RMND5A: variants seen among roughly 807,000 people sequenced by gnomAD.
The protein encoded by RMND5A is required for meiotic nuclear division 5 homolog A, also known as E3 ubiquitin-protein transferase RMND5A.
In RMND5A, 17 loss-of-function variants were observed where a neutral mutation model predicts 49.7. That is an observed-to-expected ratio of 0.34 (90% CI 0.23 to 0.51). The LOEUF is 0.51. RMND5A is among the 20% of genes least tolerant of loss of function. The probability of loss-of-function intolerance (pLI) is 0.96; values close to 1 mark genes in which losing one functional copy is unlikely to be tolerated. For missense variants in RMND5A, 255 were observed against 471.3 expected, an observed-to-expected ratio of 0.54 and a Z score of 4.25; for synonymous variants, 156 against 167.7, an observed-to-expected ratio of 0.93 and a Z score of 0.54.
At position 86,746,499 on chromosome 2, in the gene RMND5A, G is replaced by A. The variant is rs117052142; in HGVS notation, c.286-5397G>A. ...TTTATCTTCACCAAAGACTTGTAAGGTCGAGATTATTGTCTCTAGATACAG... is the reference window on the plus strand; with the variant it reads ...TTTATCTTCACCAAAGACTTGTAAGATCGAGATTATTGTCTCTAGATACAG... On this transcript the variant is annotated intron_variant, in intron 2 of 8. Coordinates refer to ENST00000283632, the MANE Select transcript of RMND5A (RefSeq NM_022780.4). Among the ~76,000 whole-genome samples, 221 of 152,266 alleles carry A rather than the reference G, an allele frequency of 1.5e-3. 6 individuals carry two copies. The South Asian group carries it at 0.045, about 31-fold the overall frequency.
At chr2:86,765,615 A>T (rs1211431450) in intron 5 of RMND5A, 1 of 448,642 alleles carries the variant, frequency 2.2e-6, no homozygotes, top group East Asian at 4.0e-5. Context: ...AATGGTAATT[A>T]TACTATGCTG....
At chr2:86,745,990 A>G (rs1167657604) in intron 2 of RMND5A, among the ~76,000 whole-genome samples, 3 of 152,228 alleles carry the variant, frequency 2.0e-5, no homozygotes, top group Non-Finnish European at 2.9e-5. Context: ...CTCATTATCT[A>G]AACAGATCTT....
At chr2:86,723,932 T>C (rs1267238760) in intron 1 of RMND5A, among the ~76,000 whole-genome samples, 1 of 152,002 alleles carries the variant, frequency 6.6e-6, no homozygotes, top group African/African-American at 2.4e-5. Flanking sequence ...AAAATTTCTC[T>C]CGTTAATCTT....
intron 2 of RMND5A, 67 bp from the exon 3 acceptor site, chr2:86,751,829 A>G: frequency 1.3e-6 from 2 of 1,506,170 alleles, no homozygotes; most frequent in Admixed American, 3.9e-5. Flanking sequence ...AACAAAGACC[A>G]TTTTTTTCCT....
At chr2:86,761,806 G>C (rs1021248055) in intron 4 of RMND5A, among the ~76,000 whole-genome samples, 2 of 152,150 alleles carry the variant, frequency 1.3e-5, no homozygotes, top group African/African-American at 2.4e-5. Flanking sequence ...TTGGCAAGGA[G>C]TGGGGAGGAA....
chr2:86,744,263 A>G (rs1183813253), intron 2 of RMND5A, among the ~76,000 whole-genome samples: 1 of 152,182 alleles, frequency 6.6e-6, no homozygotes, highest in African/African-American at 2.4e-5. Context: ...TGACTTGTTA[A>G]GTCCTCCAGG....
intron 2 of RMND5A, among the ~76,000 whole-genome samples, chr2:86,745,754 A>T (rs547655229): frequency 1.3e-5 from 2 of 152,336 alleles, no homozygotes; most frequent in African/African-American, 4.8e-5. Context: ...CTTTACATAC[A>T]TTTATATCTA....
chr2:86,759,748 C>G (rs943089459), intron 4 of RMND5A, among the ~76,000 whole-genome samples: 2 of 151,256 alleles, frequency 1.3e-5, no homozygotes, highest in Non-Finnish European at 2.9e-5. Context: ...TGCAGTGAGC[C>G]GAGATCACGC....
chr2:86,732,333 A>G (rs1681345672), intron 1 of RMND5A, among the ~76,000 whole-genome samples: 1 of 150,490 alleles, frequency 6.6e-6, no homozygotes, highest in Non-Finnish European at 1.5e-5. Flanking sequence ...TATCATAAAA[A>G]TAAGTGGCAG....
intron 4 of RMND5A, among the ~76,000 whole-genome samples, chr2:86,759,572 A>G (rs1433178644): frequency 6.6e-6 from 1 of 152,014 alleles, no homozygotes; most frequent in Non-Finnish European, 1.5e-5. Context: ...TTTTAAAAAA[A>G]TTATAGAGTT....
At chr2:86,724,934 C>T (rs1293133287) in intron 1 of RMND5A, among the ~76,000 whole-genome samples, 1 of 4,380 alleles carries the variant, frequency 2.3e-4, no homozygotes, top group Admixed American at 1.9e-3. Context: ...ATTAGCACCT[C>T]TGTGGTGGAA....
At chr2:86,762,990 C>G (rs1672529068) in intron 4 of RMND5A, among the ~76,000 whole-genome samples, 1 of 151,940 alleles carries the variant, frequency 6.6e-6, no homozygotes, top group African/African-American at 2.4e-5. Context: ...CAGTGGTGAG[C>G]TGAGACTGCA....
chr2:86,720,816 C>T lies in RMND5A; in HGVS notation c.142+7C>T, dbSNP rs1467055797. On this transcript the variant is annotated splice_region_variant and intron_variant, in intron 1 of 8. Transcript: ENST00000283632. ...GAGATCCTGCAGAGCCACGGTAGGG[C>T]GGCCCGCGTGGGCGCGCGGGGCATG... is the stretch of plus-strand genomic sequence containing the variant. The T allele has an allele frequency of 8.2e-6, 13 of 1,581,170 alleles. No homozygotes were observed. The highest frequency in any genetic ancestry group is 1.1e-5 in the Non-Finnish European group (13 of 1,165,060).
At chr2:86,760,008 C>T (rs1178106163) in intron 4 of RMND5A, among the ~76,000 whole-genome samples, 2 of 152,056 alleles carry the variant, frequency 1.3e-5, no homozygotes, top group Non-Finnish European at 2.9e-5. Flanking sequence ...AAAGTAACCT[C>T]TTACCACTGA....
At chr2:86,756,144 C>A (rs897001162) in intron 4 of RMND5A, among the ~76,000 whole-genome samples, 4 of 152,138 alleles carry the variant, frequency 2.6e-5, no homozygotes, top group African/African-American at 9.7e-5. Context: ...GTAAGCCCAG[C>A]ACTTTGGGAA....
In RMND5A at chr2:86,765,068, G is replaced by C; in HGVS notation, c.563G>C (p.Ser188Thr). ...CGGGAAATGCTTATAGCTCAAAACA[G>C]CTCCTTGGAATTTAAGCTACACAGA... is the stretch of plus-strand genomic sequence containing the variant. ...SNREMLIAQNSSLEFKLHRLY... is the reference protein window; with the variant it reads ...SNREMLIAQNTSLEFKLHRLY... The change falls in exon 5 of 9, where the codon AGC becomes ACC. Residue 188 changes from serine to threonine, a missense_variant. By Grantham distance (58) the Ser-to-Thr change is moderately conservative (BLOSUM62 1). Around this residue, in one of 3 missense-constraint regions of RMND5A, gnomAD observed 208 missense variants for 339.8 expected, o/e 0.61. Coordinates refer to ENST00000283632, the MANE Select transcript of RMND5A (RefSeq NM_022780.4). 6.2e-7 allele frequency: 1 copy of C among 1,613,272 alleles called. No homozygotes were observed. The highest frequency in any genetic ancestry group is 8.5e-7 in the Non-Finnish European group (1 of 1,179,650).
At chr2:86,762,664 T>TATATATATATATATCATATATATATGA (rs1672514709) in intron 4 of RMND5A, among the ~76,000 whole-genome samples, 1 of 136,314 alleles carries the variant, frequency 7.3e-6, no homozygotes, top group African/African-American at 2.8e-5. Flanking sequence ...AAATATTTTT[T>TATATATATATATATCATATATATATGA]TATATATATA....
At chr2:86,771,923 A>C (rs563035207) in intron 8 of RMND5A, among the ~76,000 whole-genome samples, 101 of 152,308 alleles carry the variant, frequency 6.6e-4, no homozygotes, top group African/African-American at 2.2e-3. Context: ...GCATGTCTTT[A>C]ACTTAACTTT....
At chr2:86,759,701 G>T (rs1681813855) in intron 4 of RMND5A, among the ~76,000 whole-genome samples, 1 of 149,954 alleles carries the variant, frequency 6.7e-6, no homozygotes, top group South Asian at 2.2e-4. Context: ...TCGGGAGGCT[G>T]AGGCACAAGA....
Sources: gnomAD v4.1 joint callset for allele counts (sites outside exome capture counted in the v4.1 genomes callset) on GRCh38, gnomAD v4.1.1 for gene constraint, gnomAD v4.1.1 regional missense constraint, MANE v1.5 for transcripts, NCBI Gene and HGNC (gene_info 2026-07-23, HGNC 2026-07-21) for gene names.